SLC13A1: variants seen among roughly 807,000 people sequenced by gnomAD.
The protein encoded by SLC13A1 is Na(+)/sulfate cotransporter.
SLC13A1 carries 65 observed loss-of-function variants against 70.0 expected under a neutral mutation model. The ratio of observed to expected loss-of-function variants is 0.93; its 90% CI spans 0.76 to 1.14. The LOEUF (loss-of-function observed/expected upper bound fraction) is 1.14, where lower values mean the gene tolerates loss of function less well. Ranked by LOEUF, SLC13A1 falls within the 50% of genes most tolerant of loss-of-function variation. The pLI, the probability that SLC13A1 is intolerant of heterozygous loss-of-function variation, is 0.00. For synonymous variants in SLC13A1, 275 were observed against 250.5 expected, an observed-to-expected ratio of 1.10 and a Z score of -0.92; for missense variants, 726 against 717.8, an observed-to-expected ratio of 1.01 and a Z score of -0.13.
At chr7:123,160,752 G>A (rs79321949) in intron 6 of SLC13A1, among the ~76,000 whole-genome samples, 193 of 152,144 alleles carry the variant, frequency 1.3e-3, no homozygotes, top group African/African-American at 4.3e-3. Context: ...GTTTCTGACC[G>A]CAGAAAAATT....
At chr7:123,156,123 T>C (rs1292277292) in intron 6 of SLC13A1, among the ~76,000 whole-genome samples, 1 of 152,146 alleles carries the variant, frequency 6.6e-6, no homozygotes, top group Non-Finnish European at 1.5e-5. Flanking sequence ...TTGAATTGTT[T>C]ATTGGCTTTT....
intron 3 of SLC13A1, among the ~76,000 whole-genome samples, chr7:123,170,241 T>C (rs1394879575): frequency 2.0e-5 from 3 of 152,184 alleles, no homozygotes; most frequent in Non-Finnish European, 2.9e-5. Context: ...ACTGTAAGTT[T>C]CAGACTCAGA....
chr7:123,192,463 G>GTTTGGCTT (rs1305435847), intron 1 of SLC13A1, among the ~76,000 whole-genome samples: 14 of 152,188 alleles, frequency 9.2e-5, no homozygotes, highest in African/African-American at 2.6e-4. Flanking sequence ...TAGAATATAA[G>GTTTGGCTT]TTTGGCTTTA....
intron 6 of SLC13A1, among the ~76,000 whole-genome samples, chr7:123,162,020 A>T (rs932805680): frequency 2.0e-5 from 3 of 150,592 alleles, no homozygotes; most frequent in East Asian, 1.9e-4. Flanking sequence ...GGAGACAAAC[A>T]TATTTCTTTT....
intron 2 of SLC13A1, among the ~76,000 whole-genome samples, chr7:123,172,802 A>T (rs954413927): frequency 1.1e-4 from 16 of 149,094 alleles, no homozygotes; most frequent in Admixed American, 7.9e-4. Flanking sequence ...CTTTTTTTTT[A>T]AAAGGGTTGT....
At chr7:123,176,321 A>C (rs1480539809) in intron 2 of SLC13A1, among the ~76,000 whole-genome samples, 3 of 152,220 alleles carry the variant, frequency 2.0e-5, no homozygotes, top group Non-Finnish European at 2.9e-5. Context: ...CAGGGAGGTA[A>C]TAGAAGAAGG....
chr7:123,123,386 C>G, intron 11 of SLC13A1, 151 bp from the exon 12 acceptor site: 1 of 576,736 alleles, frequency 1.7e-6, no homozygotes, highest in Non-Finnish European at 3.1e-6. Flanking sequence ...TGAGTAATTT[C>G]CACCTGGACT....
chr7:123,134,380 T>C (rs1563323752), intron 8 of SLC13A1, 30 bp downstream of exon 8: 1 of 1,605,270 alleles, frequency 6.2e-7, no homozygotes, highest in Non-Finnish European at 8.5e-7. Context: ...ACACCTTTAT[T>C]TAGCCTATTA....
At chr7:123,182,967 A>G (rs1795687235) in intron 1 of SLC13A1, among the ~76,000 whole-genome samples, 1 of 152,088 alleles carries the variant, frequency 6.6e-6, no homozygotes, top group African/African-American at 2.4e-5. Flanking sequence ...ACCTCCTGAC[A>G]TCAATTTTCT....
At chr7:123,169,379 A>C in intron 3 of SLC13A1, 44 bp from the exon 4 acceptor site, 2 of 1,543,460 alleles carry the variant, frequency 1.3e-6, no homozygotes, top group Non-Finnish European at 1.8e-6. Context: ...CTCTTAGCTT[A>C]ACTAGCACCG....
chr7:123,138,534 C>G (rs573588972), intron 7 of SLC13A1, among the ~76,000 whole-genome samples: 1 of 152,102 alleles, frequency 6.6e-6, no homozygotes, highest in African/African-American at 2.4e-5. Context: ...ACATTCCTAC[C>G]AACAGTGTAT....
chr7:123,158,404 T>C (rs562760638), intron 6 of SLC13A1, among the ~76,000 whole-genome samples: 3 of 152,082 alleles, frequency 2.0e-5, no homozygotes, highest in East Asian at 1.9e-4. Flanking sequence ...GAAAATTAAC[T>C]AGCTGGAATA....
chr7:123,195,694 C>T (rs957395628), intron 1 of SLC13A1, among the ~76,000 whole-genome samples: 2 of 151,802 alleles, frequency 1.3e-5, no homozygotes, highest in Non-Finnish European at 2.9e-5. Flanking sequence ...GTGACTATAT[C>T]GTGAGTTTCA....
intron 1 of SLC13A1, among the ~76,000 whole-genome samples, chr7:123,186,943 T>C (rs573600739): frequency 6.6e-6 from 1 of 151,526 alleles, no homozygotes; most frequent in African/African-American, 2.4e-5. Context: ...TTTTAAATCA[T>C]GATTCCTTCT....
At chr7:123,148,546 C>G (rs1023133714) in intron 6 of SLC13A1, 1 of 427,608 alleles carries the variant, frequency 2.3e-6, no homozygotes, top group South Asian at 1.7e-5. Flanking sequence ...CCTGTAAACA[C>G]CCTTTGTTGG....
chr7:123,184,138 AT>A (rs960386705), intron 1 of SLC13A1, among the ~76,000 whole-genome samples: 2 of 151,948 alleles, frequency 1.3e-5, no homozygotes, highest in African/African-American at 2.4e-5. Context: ...TTTTATCCTT[AT>A]TTTTTTAATT....
chr7:123,139,428 A>G (rs1329376403), intron 7 of SLC13A1, among the ~76,000 whole-genome samples: 1 of 149,448 alleles, frequency 6.7e-6, no homozygotes, highest in African/African-American at 2.5e-5. Flanking sequence ...AAATTTTAGG[A>G]TTTTTTTTTT....
At chr7:123,193,545 A>G (rs1055696141) in intron 1 of SLC13A1, among the ~76,000 whole-genome samples, 2 of 152,190 alleles carry the variant, frequency 1.3e-5, no homozygotes, top group South Asian at 2.1e-4. Flanking sequence ...GTGATTGCAA[A>G]TGCAGGAACA....
At chr7:123,177,168 T>C (rs922761862) in intron 2 of SLC13A1, among the ~76,000 whole-genome samples, 1 of 152,080 alleles carries the variant, frequency 6.6e-6, no homozygotes, top group South Asian at 2.1e-4. Context: ...TTTCAATTGA[T>C]AGCAACTCCA....
Sources: gnomAD v4.1 joint callset for allele counts (sites outside exome capture counted in the v4.1 genomes callset) on GRCh38, gnomAD v4.1.1 for gene constraint, MANE v1.5 for transcripts, NCBI Gene and HGNC (gene_info 2026-07-23, HGNC 2026-07-21) for gene names.